The following HIVEP3 variants were observed in gnomAD, a reference collection of about 807,000 sequenced individuals.
HIVEP3 encodes the protein HIVEP zinc finger 3, also known as transcription factor HIVEP3.
A neutral mutation model predicts 152.8 loss-of-function variants in HIVEP3; 49 were observed. The observed-to-expected ratio is 0.32, with a 90% CI of 0.26 to 0.41. The LOEUF is 0.41. Among genes scored for constraint, HIVEP3 ranks in the 10% least tolerant of loss-of-function variants. HIVEP3 has a pLI of 1.00. For synonymous variants in HIVEP3, 1,269 were observed against 1,289.0 expected, an observed-to-expected ratio of 0.98 and a Z score of 0.33; for missense variants, 2,790 against 3,103.3, an observed-to-expected ratio of 0.90 and a Z score of 2.40.
rs1041861802 is a variant in HIVEP3 at position 41,804,900 on chromosome 1, G to GA, written c.-800-103906dup. Among the ~76,000 whole-genome samples, 5 of 151,790 alleles carry GA rather than the reference G, an allele frequency of 3.3e-5. No individual in the cohort carries two copies. In the East Asian group the frequency reaches 5.8e-4, roughly 18 times the overall value. On this transcript the variant is annotated intron_variant, in intron 1 of 8. Coordinates refer to ENST00000372583, the MANE Select transcript of HIVEP3 (RefSeq NM_024503.5). ...TTTAAATCCTGGTAAGTAGTTACAG[G>GA]AAAAAAAATATATACTCAGAAGACA...
At chr1:41,785,009 AT>A (rs1231644252) in intron 1 of HIVEP3, among the ~76,000 whole-genome samples, 2 of 152,210 alleles carry the variant, frequency 1.3e-5, no homozygotes, top group African/African-American at 4.8e-5. Context: ...GTTGACTGAG[AT>A]CCCCCAAGAG....
chr1:41,645,378 C>G (rs1645443640), intron 2 of HIVEP3, among the ~76,000 whole-genome samples: 1 of 152,204 alleles, frequency 6.6e-6, no homozygotes, highest in Non-Finnish European at 1.5e-5. Flanking sequence ...ATTCTAGGCC[C>G]TTCTTCCAAC....
intron 5 of HIVEP3, among the ~76,000 whole-genome samples, chr1:41,565,983 C>T (rs966785312): frequency 2.0e-5 from 3 of 152,116 alleles, no homozygotes; most frequent in South Asian, 2.1e-4. Context: ...CCATCCATGA[C>T]TTGGGTTTCA....
chr1:42,034,585 A>T (rs946106629), intron 1 of HIVEP3, among the ~76,000 whole-genome samples: 1 of 152,200 alleles, frequency 6.6e-6, no homozygotes, highest in African/African-American at 2.4e-5. Flanking sequence ...CCTAGGCAGG[A>T]CTGTACACTT....
chr1:41,726,937 A>C (rs1236675189), intron 1 of HIVEP3, among the ~76,000 whole-genome samples: 1 of 152,150 alleles, frequency 6.6e-6, no homozygotes, highest in Non-Finnish European at 1.5e-5. Flanking sequence ...AGGGCTGTAC[A>C]TATGGACTCC....
chr1:41,814,582 C>T (rs1170434516), intron 1 of HIVEP3, among the ~76,000 whole-genome samples: 3 of 152,214 alleles, frequency 2.0e-5, no homozygotes, highest in Non-Finnish European at 4.4e-5. Context: ...CTGGGTGAAA[C>T]GCTTTTCCAA....
intron 1 of HIVEP3, among the ~76,000 whole-genome samples, chr1:41,976,054 T>C (rs1036277576): frequency 7.3e-5 from 11 of 149,872 alleles, no homozygotes; most frequent in Admixed American, 3.3e-4. Flanking sequence ...ATCCACTTGA[T>C]TGATGTTCTC....
intron 1 of HIVEP3, among the ~76,000 whole-genome samples, chr1:42,007,164 C>G (rs1570887290): frequency 2.0e-5 from 3 of 152,278 alleles, no homozygotes; most frequent in Admixed American, 2.0e-4. Flanking sequence ...TCTGCTTACC[C>G]CCATCTCCAC....
rs138599073 is a variant in HIVEP3, at chr1:41,632,089, A to G, written c.-720-3142T>C. On this transcript the variant is annotated intron_variant, in intron 2 of 8. Transcript: ENST00000372583. ...AAGCACATTTGCTGTGCTCCTCCTA[A>G]GGTAAATAACAGCATCCACTGTGCT... Among the ~76,000 whole-genome samples, 463 of 152,226 alleles carry G rather than the reference A, an allele frequency of 3.0e-3. 2 individuals are homozygous for G. Among genetic ancestry groups the G allele is most frequent in the African/African-American group, 0.011 (444 of 41,522 alleles).
intron 1 of HIVEP3, among the ~76,000 whole-genome samples, chr1:41,819,250 C>T (rs1642514073): frequency 6.6e-6 from 1 of 152,112 alleles, no homozygotes; most frequent in African/African-American, 2.4e-5. Context: ...CGCCCATCAC[C>T]CAGCACTCTC....
At chr1:41,593,223 T>C (rs1644613886) in intron 3 of HIVEP3, among the ~76,000 whole-genome samples, 1 of 152,232 alleles carries the variant, frequency 6.6e-6, no homozygotes, top group South Asian at 2.1e-4. Flanking sequence ...TGAATCTCCC[T>C]GTCCCCACAT....
chr1:41,883,784 C>T lies in HIVEP3; in HGVS notation c.-801+34629G>A, dbSNP rs189877657. ...TTGCTGCCAGCTTCTCCCTGCCTGT[C>T]GCTGACCCCTGTCCCAGAGCCACCT... On this transcript the variant is annotated intron_variant, in intron 1 of 8. Coordinates refer to ENST00000372583, the MANE Select transcript of HIVEP3 (RefSeq NM_024503.5). 1.1e-4 allele frequency among the ~76,000 whole-genome samples: 16 copies of T among 152,294 alleles called. No homozygotes were observed. In the East Asian group the frequency reaches 2.9e-3, roughly 28 times the overall value.
intron 1 of HIVEP3, among the ~76,000 whole-genome samples, chr1:41,867,536 T>A (rs1032341850): frequency 6.6e-6 from 1 of 152,180 alleles, no homozygotes; most frequent in Non-Finnish European, 1.5e-5. Context: ...CAGCTGCACG[T>A]GGCACCTGTA....
chr1:41,833,962 G>T (rs1168968179), intron 1 of HIVEP3, among the ~76,000 whole-genome samples: 5 of 152,140 alleles, frequency 3.3e-5, no homozygotes, highest in Admixed American at 2.6e-4. Flanking sequence ...TGACCACCTG[G>T]TGTGACCCTA....
intron 1 of HIVEP3, among the ~76,000 whole-genome samples, chr1:41,785,911 G>A (rs534509303): frequency 6.6e-6 from 1 of 152,284 alleles, no homozygotes; most frequent in African/African-American, 2.4e-5. Context: ...AAGAAGAATC[G>A]CTTCAACCCG....
intron 1 of HIVEP3, among the ~76,000 whole-genome samples, chr1:41,856,480 G>A (rs1241460293): frequency 6.6e-6 from 1 of 152,176 alleles, no homozygotes; most frequent in Non-Finnish European, 1.5e-5. Context: ...TTAGCAACCA[G>A]CTTCTCCAAA....
chr1:41,756,480 A>T (rs1037690237), intron 1 of HIVEP3, among the ~76,000 whole-genome samples: 1 of 152,206 alleles, frequency 6.6e-6, no homozygotes, highest in South Asian at 2.1e-4. Flanking sequence ...CACTTTTACA[A>T]ACTTATCCTA....
intron 1 of HIVEP3, among the ~76,000 whole-genome samples, chr1:41,857,136 C>G (rs187125899): frequency 6.6e-6 from 1 of 152,236 alleles, no homozygotes; most frequent in Non-Finnish European, 1.5e-5. Context: ...CAGTCCTCCC[C>G]TTCCTGATCC....
intron 1 of HIVEP3, among the ~76,000 whole-genome samples, chr1:41,709,835 C>A (rs553315823): frequency 1.3e-5 from 2 of 152,278 alleles, no homozygotes; most frequent in East Asian, 3.9e-4. Flanking sequence ...GAGTTCAGGG[C>A]AATGGGGTCA....
Sources: allele counts gnomAD v4.1 joint callset (sites outside exome capture counted in the v4.1 genomes callset), GRCh38; gene constraint gnomAD v4.1.1; transcripts MANE v1.5; gene names NCBI Gene and HGNC (gene_info 2026-07-23, HGNC 2026-07-21).